Variants in ZFP57 observed in about 807,000 individuals in gnomAD.
ZFP57 encodes ZFP57 zinc finger protein, also known as zinc finger protein 57 homolog.
In ZFP57, 12 loss-of-function variants were observed where a neutral mutation model predicts 15.8. That is an observed-to-expected ratio of 0.76 (90% CI 0.49 to 1.23). ZFP57 has a LOEUF of 1.23. Ranked by LOEUF, ZFP57 falls within the 50% of genes most tolerant of loss-of-function variation. The pLI is 0.00. For synonymous variants in ZFP57, 203 were observed against 242.3 expected (o/e 0.84, Z 1.51); for missense variants, 536 against 654.9 (o/e 0.82, Z 1.98).
intron 2 of ZFP57, among the ~76,000 whole-genome samples, chr6:29,676,539 A>G (rs986874454): frequency 2.9e-5 from 4 of 136,342 alleles, no homozygotes; most frequent in African/African-American, 1.1e-4. Flanking sequence ...CCGTCTCAAA[A>G]AAAAAAAAAA....
At chr6:29,677,940 C>T (rs1376916724) in intron 1 of ZFP57, among the ~76,000 whole-genome samples, 3 of 152,202 alleles carry the variant, frequency 2.0e-5, no homozygotes, top group Admixed American at 1.3e-4. Context: ...TGGCTCACAC[C>T]TGTAATCCCA....
At chr6:29,680,205 G>A (rs773072027) in intron 1 of ZFP57, among the ~76,000 whole-genome samples, 4 of 152,156 alleles carry the variant, frequency 2.6e-5, no homozygotes, top group Non-Finnish European at 1.5e-5. Flanking sequence ...AGAGCTGGAG[G>A]CCGCCTGCGG....
At chr6:29,680,637 A>G (rs893666883) in intron 1 of ZFP57, among the ~76,000 whole-genome samples, 2 of 151,886 alleles carry the variant, frequency 1.3e-5, no homozygotes, top group Admixed American at 6.6e-5. Flanking sequence ...CAGATCCGGA[A>G]CCCCAGCCTC....
rs149228905 is a variant in ZFP57, at chr6:29,674,071, G to A, written c.353-313C>T. Among the ~76,000 whole-genome samples the A allele has an allele frequency of 2.2e-3, 324 of 150,110 alleles. 7 individuals are homozygous for A. Among genetic ancestry groups the A allele is most frequent in the Middle Eastern group, 0.014 (4 of 292 alleles). On this transcript the variant is annotated intron_variant, in intron 4 of 4. Coordinates refer to ENST00000376883, the MANE Select transcript of ZFP57 (RefSeq NM_001109809.5). ...ATGGTGCCACTGCACTCCTGCCTGG[G>A]CAACTAGAGTGAAACTCTGTCTCAA...
At position 29,681,146 on chromosome 6, in the gene ZFP57, T is replaced by G. The variant is rs1395846905; in HGVS notation, c.-448A>C. ...GAGCGCTCCGGCCGAGCACCCGCAG[T>G]CCCGGCGCCGCGGCCCCACCCCGGC... is the stretch of plus-strand genomic sequence containing the variant. On this transcript the variant is annotated 5_prime_UTR_variant, in exon 1 of 5. Transcript: ENST00000376883. 2.6e-5 allele frequency: 4 copies of G among 152,236 alleles called. No homozygotes were observed. The highest frequency in any genetic ancestry group is 5.9e-5 in the Non-Finnish European group (4 of 68,128). 9.4% of individuals were successfully genotyped at this position (152,236 alleles called of 1,614,324 possible).
intron 2 of ZFP57, among the ~76,000 whole-genome samples, chr6:29,676,560 A>AG (rs371922305): frequency 2.1e-5 from 3 of 144,384 alleles, no homozygotes; most frequent in South Asian, 2.2e-4. Flanking sequence ...GAAAAAAAAA[A>AG]AAAGGAAAGG....
In ZFP57 at chr6:29,676,102, A is replaced by ATGTGTGTGTGTGTGTGTGTGTGTG. The variant is rs9280638; in HGVS notation, c.124-44_124-43insCACACACACACACACACACACACA. On this transcript the variant is annotated intron_variant, in intron 2 of 4. Transcript: ENST00000376883. The stretch of plus-strand genomic sequence containing the variant: ...ACTCAAGAAGTTTATATAAATATAT[A>ATGTGTGTGTGTGTGTGTGTGTGTG]TGTGTGTGTGTGTGTGTGTGTGTAC... 9,014 of 1,263,748 alleles carry ATGTGTGTGTGTGTGTGTGTGTGTG rather than the reference A, an allele frequency of 7.1e-3. 72 individuals are homozygous for ATGTGTGTGTGTGTGTGTGTGTGTG. The highest frequency in any genetic ancestry group is 9.8e-3 in the Middle Eastern group (37 of 3,780). 78.3% of individuals were successfully genotyped at this position (1,263,748 alleles called of 1,614,324 possible). A position where few individuals can be genotyped will look rare whatever the true frequency, so the allele number is the denominator to read the frequency against.
Position 29,672,573 on chromosome 6 carries a change from CTCCTGGGGGTATGGA to C in ZFP57, c.1523_1537del (p.Ile508_Arg512del), listed in dbSNP as rs750068333. 32 of 1,612,808 alleles carry C rather than the reference CTCCTGGGGGTATGGA, an allele frequency of 2.0e-5. No individual in the cohort carries two copies. The highest frequency in any genetic ancestry group is 4.0e-5 in the African/African-American group (3 of 74,898). On this transcript the variant is annotated inframe_deletion, in exon 5 of 5. Transcript: ENST00000376883. ...GCAGGCCTTCTCTCTTAGGCCTCTT[CTCCTGGGGGTATGGA>C]TCCTGGGGGGAGATTGATCACCTCC...
Position 29,677,075 on chromosome 6 carries a change from T to A in ZFP57, c.-72A>T, listed in dbSNP as rs894108102. On this transcript the variant is annotated 5_prime_UTR_variant, in exon 2 of 5. Coordinates refer to ENST00000376883, the MANE Select transcript of ZFP57 (RefSeq NM_001109809.5). ...GGTGCCCAGGCCTGACTGGATTCCT[T>A]CCTGGGGCTATCTACCTCCCAGTAA... is the stretch of plus-strand genomic sequence containing the variant. 2 of 1,610,458 alleles carry A rather than the reference T, an allele frequency of 1.2e-6. No homozygotes were observed. The highest frequency in any genetic ancestry group is 2.2e-5 in the East Asian group (1 of 44,894).
chr6:29,673,104 G>T lies in ZFP57; in HGVS notation c.1007C>A (p.Thr336Asn). The change falls in exon 5 of 5, where the codon ACT (threonine) becomes AAT (asparagine). Residue 336 changes from threonine (T) to asparagine (N), a missense_variant. Thr to Asn is a moderately conservative substitution (Grantham distance 65). Coordinates refer to ENST00000376883, the MANE Select transcript of ZFP57 (RefSeq NM_001109809.5). This position sits in a 1 kb window ranked among gnomAD's most constrained non-coding sequence, Gnocchi z 4.7. ...VARSQEPIFR[T>N]EGPMAQNQAS... ...CTGGTTCTGGGCCATAGGACCCTCA[G>T]TTCTAAATATGGGTTCCTGGGACCT... is the stretch of plus-strand genomic sequence containing the variant. The T allele has an allele frequency of 6.2e-7, 1 of 1,613,008 alleles. No homozygotes were observed. Among genetic ancestry groups the T allele is most frequent in the Non-Finnish European group, 8.5e-7 (1 of 1,180,022 alleles).
Position 29,673,182 on chromosome 6 carries a change from C to A in ZFP57, c.929G>T (p.Arg310Ile). The change falls in exon 5 of 5, where the codon AGA (arginine) becomes ATA (isoleucine). Residue 310 changes from arginine to isoleucine, a missense_variant. Physicochemically the swap from Arg to Ile is moderately conservative, Grantham distance 97. Transcript: ENST00000376883. This position sits in a 1 kb window ranked among gnomAD's most constrained non-coding sequence, Gnocchi z 4.7. ...TQAEFQTPIA[R>I]SQRSIQGLLD... ...AAGCCCCTGGATGGACCTCTGGCTT[C>A]TGGCGATGGGTGTCTGGAATTCAGC... 6.2e-7 allele frequency: 1 copy of A among 1,612,990 alleles called. No individual in the cohort carries two copies. Among genetic ancestry groups the A allele is most frequent in the Non-Finnish European group, 8.5e-7 (1 of 1,180,018 alleles).
Position 29,673,548 on chromosome 6 carries a change from G to A in ZFP57, c.563C>T (p.Ser188Phe), listed in dbSNP as rs936245337. ...YTCGKCFSRR[S>F]YLYSHQFVHN... ...AACAAACTGGTGGCTATAGAGGTAG[G>A]AGCGCCTGCTGAAACATTTGCCACA... is the stretch of plus-strand genomic sequence containing the variant. The change falls in exon 5 of 5, where the codon TCC becomes TTC. Residue 188 changes from serine (S) to phenylalanine (F), a missense_variant. By Grantham distance (155) the Ser-to-Phe change is radical. Transcript: ENST00000376883. This position sits in a 1 kb window ranked among gnomAD's most constrained non-coding sequence, Gnocchi z 4.7. 1.4e-5 allele frequency: 22 copies of A among 1,612,974 alleles called. No homozygotes were observed. The highest frequency in any genetic ancestry group is 1.6e-5 in the Non-Finnish European group (19 of 1,180,044).
Position 29,672,922 on chromosome 6 carries a change from A to C in ZFP57, c.1189T>G (p.Ser397Ala). The C allele has an allele frequency of 6.2e-7, 1 of 1,613,038 alleles. No individual in the cohort carries two copies. Among genetic ancestry groups the C allele is most frequent in the Non-Finnish European group, 8.5e-7 (1 of 1,180,030 alleles). Residue 397 changes from serine (S) to alanine (A), a missense_variant, in exon 5 of 5, where the codon TCC becomes GCC. Physicochemically the swap from Ser to Ala is moderately conservative, Grantham distance 99. Coordinates refer to ENST00000376883, the MANE Select transcript of ZFP57 (RefSeq NM_001109809.5). The stretch of plus-strand genomic sequence containing the variant: ...GCCTTCTGGTGTCTGGAGAGATAGG[A>C]TTTCTTGCTAAAAGTCAAAGAACAA... ...PHCSLTFSKK[S>A]YLSRHQKAHL...
chr6:29,676,930 A>G lies in ZFP57; in HGVS notation c.74T>C (p.Leu25Pro). ...LPWVGEVAATLQEAMKRDCWR... is the reference protein window; with the variant it reads ...LPWVGEVAATPQEAMKRDCWR... ...GCAATCTCTCTTCATGGCTTCCTGC[A>G]GGGTGGCAGCTACCTCGCCCACCCA... Residue 25 changes from leucine (L) to proline (P), a missense_variant, in exon 2 of 5, where the codon CTG (leucine) becomes CCG (proline). Coordinates refer to ENST00000376883, the MANE Select transcript of ZFP57 (RefSeq NM_001109809.5). 6.2e-7 allele frequency: 1 copy of G among 1,614,156 alleles called. No individual in the cohort carries two copies. The highest frequency in any genetic ancestry group is 8.5e-7 in the Non-Finnish European group (1 of 1,180,022).
chr6:29,675,503 G>A lies in ZFP57; in HGVS notation c.251-16C>T, dbSNP rs914462647. 1 of 1,608,790 alleles carries A rather than the reference G, an allele frequency of 6.2e-7. No individual in the cohort carries two copies. Among genetic ancestry groups the A allele is most frequent in the Non-Finnish European group, 8.5e-7 (1 of 1,175,082 alleles). ...AAGATTCTGGCTGATGTGTGGGAAT[G>A]AGAAAGAGTTGAGTTGGTCCCAGGT... On this transcript the variant is annotated splice_polypyrimidine_tract_variant and intron_variant, in intron 3 of 4. Coordinates refer to ENST00000376883, the MANE Select transcript of ZFP57 (RefSeq NM_001109809.5).
Position 29,675,987 on chromosome 6 carries a change from T to G in ZFP57, c.196A>C (p.Arg66=). ...EEWDCLDASQ[R]VLYQDVMSET... is the part of the protein sequence containing the mutation. ...GACATAACATCCTGGTAAAGGACCC[T>G]CTGGCTGGCATCTAGACAGTCCCAC... The change falls in exon 3 of 5, where the codon AGG becomes CGG. Residue 66 remains arginine, a synonymous_variant. Coordinates refer to ENST00000376883, the MANE Select transcript of ZFP57 (RefSeq NM_001109809.5). The G allele has an allele frequency of 1.2e-6, 2 of 1,613,446 alleles. No individual in the cohort carries two copies. The highest frequency in any genetic ancestry group is 1.7e-6 in the Non-Finnish European group (2 of 1,180,024).
In ZFP57 at chr6:29,677,050, G is replaced by A; in HGVS notation, c.-47C>T. On this transcript the variant is annotated 5_prime_UTR_variant, in exon 2 of 5. Coordinates refer to ENST00000376883, the MANE Select transcript of ZFP57 (RefSeq NM_001109809.5). Reference sequence around the variant, plus strand: ...TTCTAGCTTTATCCACTCCTGGCCTGGTGCCCAGGCCTGACTGGATTCCTT... The same window carrying A: ...TTCTAGCTTTATCCACTCCTGGCCTAGTGCCCAGGCCTGACTGGATTCCTT... 6 of 1,613,570 alleles carry A rather than the reference G, an allele frequency of 3.7e-6. No individual in the cohort carries two copies. The highest frequency in any genetic ancestry group is 5.1e-6 in the Non-Finnish European group (6 of 1,180,018).
In ZFP57 at chr6:29,677,131, C is replaced by A; in HGVS notation, c.-128G>T. On this transcript the variant is annotated 5_prime_UTR_variant, in exon 2 of 5. Coordinates refer to ENST00000376883, the MANE Select transcript of ZFP57 (RefSeq NM_001109809.5). ...CAGATGGAGAGGCCCAGCAAAGGCCCCAGGGTTTGATGTGGCTTCCTGTGA... is the reference window on the plus strand; with the variant it reads ...CAGATGGAGAGGCCCAGCAAAGGCCACAGGGTTTGATGTGGCTTCCTGTGA... 1 of 1,381,720 alleles carries A rather than the reference C, an allele frequency of 7.2e-7. No individual in the cohort carries two copies. Among genetic ancestry groups the A allele is most frequent in the Non-Finnish European group, 1.0e-6 (1 of 981,004 alleles). The allele number at this position is 1,381,720 out of a possible 1,614,324, so 85.6% of individuals were successfully genotyped here. A position where few individuals can be genotyped will look rare whatever the true frequency, so the allele number is the denominator to read the frequency against.
chr6:29,679,609 G>A (rs936648611), intron 1 of ZFP57, among the ~76,000 whole-genome samples: 14 of 152,094 alleles, frequency 9.2e-5, no homozygotes, highest in African/African-American at 3.4e-4. Context: ...CCTTAATAAG[G>A]CTGGGCACGG....
Sources: gnomAD v4.1 joint callset for allele counts (sites outside exome capture counted in the v4.1 genomes callset) on GRCh38, gnomAD v4.1.1 for gene constraint, Gnocchi (gnomAD v3.1) non-coding constraint, MANE v1.5 for transcripts, NCBI Gene and HGNC (gene_info 2026-07-23, HGNC 2026-07-21) for gene names.